The following MYO1D variants were observed in gnomAD, a reference collection of about 807,000 sequenced individuals.
MYO1D encodes the protein unconventional myosin-Id.
A neutral mutation model predicts 122.0 loss-of-function variants in MYO1D; 83 were observed. The ratio of observed to expected loss-of-function variants is 0.68; its 90% CI spans 0.57 to 0.82. The LOEUF (loss-of-function observed/expected upper bound fraction) is 0.82. Ranked by LOEUF, MYO1D falls within the 40% of genes least tolerant of loss-of-function variation. The pLI, the probability that MYO1D is intolerant of heterozygous loss-of-function variation, is 0.00. For synonymous variants in MYO1D, 464 were observed against 446.9 expected (o/e 1.04, Z -0.48); for missense variants, 1,157 against 1,269.5 (o/e 0.91, Z 1.35).
At chr17:32,739,457 C>G (rs1274809905) in intron 13 of MYO1D, among the ~76,000 whole-genome samples, 1 of 132,750 alleles carries the variant, frequency 7.5e-6, no homozygotes, top group Non-Finnish European at 1.5e-5. Flanking sequence ...AACACTCGGA[C>G]AGAGGAAGGG....
At chr17:32,872,914 T>TCTGGATC (rs1280228175) in intron 1 of MYO1D, among the ~76,000 whole-genome samples, 1 of 151,534 alleles carries the variant, frequency 6.6e-6, no homozygotes, top group Non-Finnish European at 1.5e-5. Context: ...GCCAGGATGG[T>TCTGGATC]CTGGATCTCC....
At chr17:32,852,840 T>C (rs908374870) in intron 1 of MYO1D, among the ~76,000 whole-genome samples, 2 of 152,230 alleles carry the variant, frequency 1.3e-5, no homozygotes, top group East Asian at 1.9e-4. Context: ...TTGTGAAAGA[T>C]GGTATTTACC....
At chr17:32,852,735 T>A (rs56292137) in intron 1 of MYO1D, among the ~76,000 whole-genome samples, 61,901 of 151,900 alleles carry the variant, frequency 0.41, 12,933 homozygotes, top group East Asian at 0.53. Context: ...TATATTTCTA[T>A]ATTTTTCAAT....
intron 1 of MYO1D, 88 bp downstream of exon 1, chr17:32,876,690 C>T: frequency 8.8e-7 from 1 of 1,140,170 alleles, no homozygotes; most frequent in Non-Finnish European, 1.2e-6. Flanking sequence ...TGGGCGCTCC[C>T]GACACCCCGG....
chr17:32,874,419 G>A (rs549708118), intron 1 of MYO1D, among the ~76,000 whole-genome samples: 2 of 151,876 alleles, frequency 1.3e-5, no homozygotes, highest in African/African-American at 2.4e-5. Context: ...CATAGCTCAC[G>A]GCAGCTTTGA....
intron 21 of MYO1D, chr17:32,594,690 T>A (rs959813782): frequency 6.9e-6 from 3 of 432,268 alleles, no homozygotes; most frequent in Non-Finnish European, 1.2e-5. Context: ...TAAGGAGACA[T>A]CTATTCAGTT....
At chr17:32,680,684 T>C (rs1259520591) in intron 16 of MYO1D, among the ~76,000 whole-genome samples, 2 of 151,822 alleles carry the variant, frequency 1.3e-5, no homozygotes, top group South Asian at 4.2e-4. Context: ...TGAGGATTTT[T>C]GCATCAATGT....
intron 7 of MYO1D, 64 bp downstream of exon 7, chr17:32,767,572 T>A: frequency 8.8e-7 from 1 of 1,133,126 alleles, no homozygotes; most frequent in Non-Finnish European, 1.3e-6. Context: ...AAAAACAAAA[T>A]CTTCTGAGAA....
chr17:32,517,782 A>G (rs1909945979), intron 21 of MYO1D, among the ~76,000 whole-genome samples: 1 of 152,220 alleles, frequency 6.6e-6, no homozygotes, highest in Non-Finnish European at 1.5e-5. Context: ...GATTTATCAC[A>G]CTTTTTATTA....
chr17:32,711,837 T>C (rs903180640), intron 16 of MYO1D, 151 bp downstream of exon 16: 10 of 642,228 alleles, frequency 1.6e-5, no homozygotes, highest in South Asian at 5.2e-5. Flanking sequence ...AAGTTTTCCA[T>C]GTGTGAAGGC....
chr17:32,842,063 T>C, intron 1 of MYO1D, among the ~76,000 whole-genome samples: 1 of 152,172 alleles, frequency 6.6e-6, no homozygotes, highest in East Asian at 1.9e-4. Flanking sequence ...GCAGTAGTAG[T>C]ATTTTCTCCA....
At chr17:32,649,264 C>G (rs1567929085) in intron 19 of MYO1D, among the ~76,000 whole-genome samples, 1 of 152,154 alleles carries the variant, frequency 6.6e-6, no homozygotes, top group Non-Finnish European at 1.5e-5. Flanking sequence ...TAAGCACATT[C>G]ACATTGTTGT....
intron 1 of MYO1D, among the ~76,000 whole-genome samples, chr17:32,870,607 AAAAAAG>A (rs985859212): frequency 9.2e-5 from 14 of 152,138 alleles, no homozygotes; most frequent in Admixed American, 3.3e-4. Flanking sequence ...TAAAAAAAAA[AAAAAAG>A]AAAGAAAAAA....
chr17:32,856,733 T>C (rs1291727264), intron 1 of MYO1D, among the ~76,000 whole-genome samples: 2 of 152,216 alleles, frequency 1.3e-5, no homozygotes, highest in Non-Finnish European at 2.9e-5. Context: ...TCCTTATTAT[T>C]CTGACTGTCC....
intron 16 of MYO1D, among the ~76,000 whole-genome samples, chr17:32,705,496 C>T (rs745756626): frequency 2.0e-5 from 3 of 152,164 alleles, no homozygotes; most frequent in Admixed American, 6.5e-5. Flanking sequence ...AACTCCTGAC[C>T]TCGTGATCCG....
rs1287803201 is a variant in MYO1D at position 32,694,677 on chromosome 17, C to T, written c.2121+17311G>A. On this transcript the variant is annotated intron_variant, in intron 16 of 21. Coordinates refer to ENST00000318217, the MANE Select transcript of MYO1D (RefSeq NM_015194.3). ...GATTGCGCCACTGCAGTCCGCAGTC[C>T]GGCCTGGGCGACAGAGCGAGACTCC... is the stretch of plus-strand genomic sequence containing the variant. 8.5e-5 allele frequency among the ~76,000 whole-genome samples: 11 copies of T among 129,532 alleles called. No individual in the cohort carries two copies. In the South Asian group the frequency reaches 1.9e-3, roughly 22 times the overall value. The allele number at this position is 129,532 out of a possible 152,430, so 85.0% of individuals were successfully genotyped here.
intron 21 of MYO1D, among the ~76,000 whole-genome samples, chr17:32,527,164 G>A (rs1237758070): frequency 6.6e-6 from 1 of 152,210 alleles, no homozygotes; most frequent in Non-Finnish European, 1.5e-5. Context: ...TGCAAGGCAG[G>A]ATTTGGCCTG....
intron 21 of MYO1D, among the ~76,000 whole-genome samples, chr17:32,512,300 T>C (rs1485831931): frequency 6.8e-6 from 1 of 146,340 alleles, no homozygotes; most frequent in Non-Finnish European, 1.5e-5. Flanking sequence ...AACTCTTATC[T>C]CATAAAAAAA....
chr17:32,857,046 C>T (rs996771374), intron 1 of MYO1D, among the ~76,000 whole-genome samples: 1 of 152,182 alleles, frequency 6.6e-6, no homozygotes, highest in African/African-American at 2.4e-5. Flanking sequence ...CAAACTGCTT[C>T]TTAATCAGTT....
Sources: allele counts gnomAD v4.1 joint callset (sites outside exome capture counted in the v4.1 genomes callset), GRCh38; gene constraint gnomAD v4.1.1; transcripts MANE v1.5; gene names NCBI Gene and HGNC (gene_info 2026-07-23, HGNC 2026-07-21).